Variants in ADGRL3 observed in about 807,000 individuals in gnomAD.
The protein encoded by ADGRL3 is calcium-independent alpha-latrotoxin receptor 3.
Under a neutral mutation model 153.5 loss-of-function variants are expected in ADGRL3, and 62 were observed. That is an observed-to-expected ratio of 0.40 (90% CI 0.33 to 0.50). ADGRL3 has a LOEUF of 0.50. Among genes scored for constraint, ADGRL3 ranks in the 20% least tolerant of loss-of-function variants. The pLI, the probability that ADGRL3 is intolerant of heterozygous loss-of-function variation, is 0.47. For missense variants in ADGRL3, 1,641 were observed against 1,859.4 expected (o/e 0.88, Z 2.16); for synonymous variants, 710 against 672.5 (o/e 1.06, Z -0.86).
At chr4:61,747,398 C>G (rs938456807) in intron 8 of ADGRL3, among the ~76,000 whole-genome samples, 42 of 151,914 alleles carry the variant, frequency 2.8e-4, no homozygotes, top group Non-Finnish European at 1.8e-4. Context: ...GGCAGAGACA[C>G]AACCAAAAAA....
chr4:61,665,035 C>A (rs147267830), intron 5 of ADGRL3, among the ~76,000 whole-genome samples: 1 of 152,268 alleles, frequency 6.6e-6, no homozygotes, highest in Non-Finnish European at 1.5e-5. Context: ...TGTTGTCATG[C>A]CATAGGCAGT....
At chr4:61,466,785 T>C (rs906824248) in intron 2 of ADGRL3, among the ~76,000 whole-genome samples, 2 of 152,134 alleles carry the variant, frequency 1.3e-5, no homozygotes, top group East Asian at 1.9e-4. Context: ...TAAAATGGGA[T>C]TAAAAATCAA....
chr4:61,842,759 G>C (rs1185848100), intron 9 of ADGRL3, among the ~76,000 whole-genome samples: 1 of 152,158 alleles, frequency 6.6e-6, no homozygotes, highest in East Asian at 1.9e-4. Flanking sequence ...TTTGTGTTTT[G>C]TAAGAAGCTG....
intron 8 of ADGRL3, among the ~76,000 whole-genome samples, chr4:61,738,364 T>TACG (rs2096543083): frequency 6.6e-6 from 1 of 152,202 alleles, no homozygotes; most frequent in Admixed American, 6.5e-5. Flanking sequence ...CAACTGCGAA[T>TACG]TGTGCTGCTG....
intron 1 of ADGRL3, among the ~76,000 whole-genome samples, chr4:61,257,836 G>GGTGT (rs10635406): frequency 0.12 from 18,132 of 150,538 alleles, 1,126 homozygotes; most frequent in African/African-American, 0.18. Flanking sequence ...TTGAATTAGA[G>GGTGT]GTGTGTGTGT....
chr4:61,808,910 T>C (rs1220581742), intron 8 of ADGRL3, among the ~76,000 whole-genome samples: 1 of 149,956 alleles, frequency 6.7e-6, no homozygotes, highest in East Asian at 1.9e-4. Context: ...CACATGGAGT[T>C]ATTATTGTAG....
intron 5 of ADGRL3, among the ~76,000 whole-genome samples, chr4:61,661,471 A>G (rs2094591258): frequency 6.6e-6 from 1 of 152,116 alleles, no homozygotes; most frequent in Admixed American, 6.5e-5. Flanking sequence ...ACATCAGAGC[A>G]TTCTCCTAAG....
intron 1 of ADGRL3, among the ~76,000 whole-genome samples, chr4:61,228,938 C>T (rs954937572): frequency 2.0e-5 from 3 of 152,090 alleles, no homozygotes; most frequent in African/African-American, 4.8e-5. Context: ...GCAATCTATC[C>T]GCCTCAACCT....
In ADGRL3 at chr4:61,363,935, G is replaced by GCATATATATTTTATATGT. The variant is rs1443378215; in HGVS notation, c.-239-19179_-239-19162dup. Among the ~76,000 whole-genome samples, 5 of 152,018 alleles carry GCATATATATTTTATATGT rather than the reference G, an allele frequency of 3.3e-5. No individual in the cohort carries two copies. In the East Asian group the frequency reaches 9.6e-4, roughly 29 times the overall value. The stretch of plus-strand genomic sequence containing the variant: ...CACCTTTTGGGTTGTTTACTGTTAT[G>GCATATATATTTTATATGT]CATATATATTTTATATGTCATATAT... On this transcript the variant is annotated intron_variant, in intron 1 of 26. Transcript: ENST00000683033.
chr4:61,606,057 A>G (rs572700412), intron 5 of ADGRL3, among the ~76,000 whole-genome samples: 1 of 152,290 alleles, frequency 6.6e-6, no homozygotes, highest in East Asian at 1.9e-4. Flanking sequence ...AGGGCTCCTA[A>G]TGCAGCCTGA....
intron 8 of ADGRL3, among the ~76,000 whole-genome samples, chr4:61,809,281 A>G (rs975161866): frequency 6.6e-6 from 1 of 152,108 alleles, no homozygotes; most frequent in Non-Finnish European, 1.5e-5. Context: ...TATTTTCCCA[A>G]TTGCATAACT....
In ADGRL3 at chr4:61,201,029, C is replaced by T. The variant is rs916108236; in HGVS notation, c.-976C>T. ...GGAGGTTGCGGGCTTGAGAGGGGAC[C>T]CTCGGCTGGGAGAGAGCCTCGGGAG... On this transcript the variant is annotated 5_prime_UTR_variant, in exon 1 of 27. Transcript: ENST00000683033. Among the ~76,000 whole-genome samples, 11 of 152,132 alleles carry T rather than the reference C, an allele frequency of 7.2e-5. No individual in the cohort carries two copies. The highest frequency in any genetic ancestry group is 1.9e-4 in the African/African-American group (8 of 41,428).
At position 62,070,816 on chromosome 4, in the gene ADGRL3, A is replaced by T; in HGVS notation, c.4540A>T (p.Ser1514Cys). The T allele has an allele frequency of 1.3e-6, 2 of 1,551,698 alleles. No individual in the cohort carries two copies. Among genetic ancestry groups the T allele is most frequent in the Non-Finnish European group, 1.7e-6 (2 of 1,146,982 alleles). ...TACTTACTACCAGCTAGGTCGCGGC[A>T]GCAGTGATGGATTTATAGTTCCTCC... ...LHTYYQLGRGSSDGFIVPPNK... is the reference protein window; with the variant it reads ...LHTYYQLGRGCSDGFIVPPNK... The change falls in exon 27 of 27, where the codon AGC becomes TGC. Residue 1514 changes from serine to cysteine, a missense_variant. By Grantham distance (112) the Ser-to-Cys change is moderately radical. Around this residue, in one of 5 missense-constraint regions of ADGRL3, gnomAD observed 517 missense variants for 555.0 expected, o/e 0.93. Coordinates refer to ENST00000683033, the MANE Select transcript of ADGRL3 (RefSeq NM_001387552.1).
intron 2 of ADGRL3, among the ~76,000 whole-genome samples, chr4:61,409,968 A>G (rs1348696610): frequency 1.3e-5 from 2 of 152,100 alleles, no homozygotes; most frequent in Non-Finnish European, 2.9e-5. Context: ...GGATGCGTAT[A>G]CTAGATTTTT....
intron 4 of ADGRL3, among the ~76,000 whole-genome samples, chr4:61,534,601 C>A (rs2098643758): frequency 6.6e-6 from 1 of 152,030 alleles, no homozygotes; most frequent in Non-Finnish European, 1.5e-5. Flanking sequence ...TTTATGTAAT[C>A]TACAATTTCA....
At chr4:61,904,440 G>A (rs1372285856) in intron 11 of ADGRL3, among the ~76,000 whole-genome samples, 3 of 151,942 alleles carry the variant, frequency 2.0e-5, no homozygotes, top group Admixed American at 6.6e-5. Context: ...TGAGCCATTC[G>A]CCTGGCCTTC....
chr4:61,649,206 A>G (rs1382307187), intron 5 of ADGRL3, among the ~76,000 whole-genome samples: 2 of 152,074 alleles, frequency 1.3e-5, no homozygotes, highest in Admixed American at 1.3e-4. Context: ...TTACATATGG[A>G]TGTAACATCG....
chr4:61,928,930 C>T (rs1000953659), intron 13 of ADGRL3, among the ~76,000 whole-genome samples: 4 of 152,030 alleles, frequency 2.6e-5, no homozygotes, highest in Non-Finnish European at 5.9e-5. Context: ...AATGGTATCA[C>T]GGCACTAAAA....
intron 9 of ADGRL3, among the ~76,000 whole-genome samples, chr4:61,871,899 C>T (rs568547011): frequency 6.6e-6 from 1 of 152,134 alleles, no homozygotes; most frequent in African/African-American, 2.4e-5. Context: ...TGCCTCATTG[C>T]CTTCAAATGT....
Sources: allele counts gnomAD v4.1 joint callset (sites outside exome capture counted in the v4.1 genomes callset), GRCh38; gene constraint gnomAD v4.1.1; regional missense constraint gnomAD v4.1.1; transcripts MANE v1.5; gene names NCBI Gene and HGNC (gene_info 2026-07-23, HGNC 2026-07-21).